Variants in SYNE1 observed in about 807,000 individuals in gnomAD.
SYNE1 encodes spectrin repeat containing nuclear envelope protein 1.
Under a neutral mutation model 1,111.0 loss-of-function variants are expected in SYNE1, and 616 were observed. The ratio of observed to expected loss-of-function variants is 0.55; its 90% CI spans 0.52 to 0.59. The LOEUF (loss-of-function observed/expected upper bound fraction) is 0.59. Ranked by LOEUF, SYNE1 falls within the 20% of genes least tolerant of loss-of-function variation. The pLI, the probability that SYNE1 is intolerant of heterozygous loss-of-function variation, is 0.00. For synonymous variants in SYNE1, 3,855 were observed against 3,825.8 expected (o/e 1.01, Z -0.28); for missense variants, 10,006 against 10,417.0 (o/e 0.96, Z 1.72).
intron 11 of SYNE1, 41 bp from the exon 12 acceptor site, chr6:152,488,544 C>A (rs1428942796): frequency 1.8e-6 from 2 of 1,091,148 alleles, no homozygotes; most frequent in South Asian, 2.5e-5. Context: ...AGTATCTGTG[C>A]ATTTATTTAA....
chr6:152,413,550 T>A lies in SYNE1; in HGVS notation c.6051-19A>T. ...TCTTAACCTGTGAATTAAAATGTTATTTTCCTATTAATTTACTAAAGGTAG... is the reference window on the plus strand; with the variant it reads ...TCTTAACCTGTGAATTAAAATGTTAATTTCCTATTAATTTACTAAAGGTAG... On this transcript the variant is annotated intron_variant, in intron 41 of 145. Coordinates refer to ENST00000367255, the MANE Select transcript of SYNE1 (RefSeq NM_182961.4). 6.2e-7 allele frequency: 1 copy of A among 1,612,320 alleles called. No homozygotes were observed. Among genetic ancestry groups the A allele is most frequent in the Non-Finnish European group, 8.5e-7 (1 of 1,178,408 alleles).
chr6:152,301,610 A>G (rs774118873), intron 92 of SYNE1, among the ~76,000 whole-genome samples: 17 of 152,250 alleles, frequency 1.1e-4, no homozygotes, highest in Non-Finnish European at 2.4e-4. Flanking sequence ...GAAATTATAA[A>G]CAAATACAGG....
rs2060438686 is a variant in SYNE1 at position 152,151,635 on chromosome 6, C to T, written c.24368G>A (p.Trp8123Ter). The change falls in exon 135 of 146, where the codon TGG becomes TAG. Residue 8123 changes from tryptophan to a stop codon, truncating the protein, a stop_gained. Transcript: ENST00000367255. LOFTEE classifies it high-confidence loss of function. ...GAGCTGCAGATCCATCTCTGTGAGC[C>T]AGACCAGAATGCTGTCCCGCGCAGT... ...FETARDSILV[W>*]LTEMDLQLTN... The T allele has an allele frequency of 6.2e-7, 1 of 1,613,998 alleles. No homozygotes were observed.
intron 45 of SYNE1, among the ~76,000 whole-genome samples, chr6:152,406,795 G>A (rs903639014): frequency 2.6e-5 from 4 of 152,040 alleles, no homozygotes; most frequent in African/African-American, 9.7e-5. Flanking sequence ...TTGAACCCAG[G>A]AGGTGGAGGT....
intron 3 of SYNE1, 59 bp downstream of exon 3, chr6:152,628,206 T>G: frequency 1.3e-6 from 2 of 1,567,228 alleles, no homozygotes; most frequent in Non-Finnish European, 1.8e-6. Context: ...CAAATTTAAC[T>G]GATTGTGGGT....
At chr6:152,157,358 T>C (rs1355762534) in intron 131 of SYNE1, among the ~76,000 whole-genome samples, 1 of 152,200 alleles carries the variant, frequency 6.6e-6, no homozygotes, top group African/African-American at 2.4e-5. Context: ...CTCACTTGTA[T>C]GTGGGAGCTA....
chr6:152,436,234 T>C (rs1464798510), intron 32 of SYNE1, 133 bp from the exon 33 acceptor site: 61 of 921,866 alleles, frequency 6.6e-5, no homozygotes, highest in Non-Finnish European at 9.2e-5. Context: ...GGATCTTACA[T>C]TGTTCTTAAC....
At chr6:152,146,443 T>G (rs1187012995) in intron 137 of SYNE1, 1 of 152,214 alleles carries the variant, frequency 6.6e-6, no homozygotes, top group Non-Finnish European at 1.5e-5. Context: ...GAAATTCATG[T>G]AAGCATGTTT....
intron 3 of SYNE1, among the ~76,000 whole-genome samples, chr6:152,592,702 C>G (rs1424480122): frequency 6.6e-6 from 1 of 152,162 alleles, no homozygotes; most frequent in Admixed American, 6.5e-5. Context: ...CCCTCTGTAT[C>G]TAAAATAAAA....
At chr6:152,569,301 C>T (rs900094557) in intron 3 of SYNE1, among the ~76,000 whole-genome samples, 4 of 152,148 alleles carry the variant, frequency 2.6e-5, no homozygotes, top group South Asian at 2.1e-4. Flanking sequence ...CATCCAATTT[C>T]CTGGGTTTAG....
intron 105 of SYNE1, among the ~76,000 whole-genome samples, chr6:152,244,975 A>T (rs376256660): frequency 6.6e-6 from 1 of 152,178 alleles, no homozygotes; most frequent in East Asian, 1.9e-4. Context: ...AAAAAAGAGC[A>T]TCATTTAGGA....
chr6:152,132,360 C>A, intron 143 of SYNE1, 146 bp from the exon 144 acceptor site: 1 of 753,230 alleles, frequency 1.3e-6, no homozygotes, highest in Non-Finnish European at 2.3e-6. Flanking sequence ...AAAATGGAAC[C>A]AGACAGGTAC....
At chr6:152,593,545 G>C (rs1314212122) in intron 3 of SYNE1, among the ~76,000 whole-genome samples, 1 of 151,948 alleles carries the variant, frequency 6.6e-6, no homozygotes, top group Admixed American at 6.6e-5. Context: ...TTGTGCCACT[G>C]CACTCCAGCC....
At position 152,302,025 on chromosome 6, in the gene SYNE1, G is replaced by A. The variant is rs1159333083; in HGVS notation, c.17385C>T (p.Ile5795=). Residue 5795 remains isoleucine, a synonymous_variant, in exon 92 of 146, where the codon ATC becomes ATT. Transcript: ENST00000367255. ...AQKIKGYQEQ[I]ASLNSKCKML... ...TCTTGCACTTGGAATTCAAAGAAGC[G>A]ATCTGCTCCTGGTAGCCCTTAATTT... is the stretch of plus-strand genomic sequence containing the variant. 1 of 1,614,254 alleles carries A rather than the reference G, an allele frequency of 6.2e-7. No individual in the cohort carries two copies. Among genetic ancestry groups the A allele is most frequent in the Non-Finnish European group, 8.5e-7 (1 of 1,180,044 alleles).
At chr6:152,246,084 T>C (rs536916160) in intron 105 of SYNE1, among the ~76,000 whole-genome samples, 11 of 152,216 alleles carry the variant, frequency 7.2e-5, no homozygotes, top group African/African-American at 1.4e-4. Flanking sequence ...AAGACAGGCC[T>C]GACAATTTGA....
Position 152,236,665 on chromosome 6 carries a change from C to T in SYNE1, c.20199+152G>A, listed in dbSNP as rs370084123. On this transcript the variant is annotated intron_variant, in intron 109 of 145. Coordinates refer to ENST00000367255, the MANE Select transcript of SYNE1 (RefSeq NM_182961.4). Reference sequence around the variant, plus strand: ...AAGAAAGACTTTTAATAATGTCCAACTATAAATAACAGAAACATTATCTCC... The same window carrying T: ...AAGAAAGACTTTTAATAATGTCCAATTATAAATAACAGAAACATTATCTCC... 204 of 1,067,166 alleles carry T rather than the reference C, an allele frequency of 1.9e-4. No individual in the cohort carries two copies. The African/African-American group carries it at 2.7e-3, about 14-fold the overall frequency. 66.1% of individuals were successfully genotyped at this position (1,067,166 alleles called of 1,614,324 possible).
intron 2 of SYNE1, among the ~76,000 whole-genome samples, chr6:152,630,482 C>T (rs1410096077): frequency 6.6e-6 from 1 of 152,176 alleles, no homozygotes; most frequent in Admixed American, 6.5e-5. Context: ...CCTGTATATC[C>T]TGGGGAAAAA....
chr6:152,484,022 T>C (rs928347479), intron 13 of SYNE1, among the ~76,000 whole-genome samples: 1 of 117,160 alleles, frequency 8.5e-6, no homozygotes, highest in Admixed American at 1.1e-4. Flanking sequence ...GGCAATATAG[T>C]GAGATCTCAT....
intron 42 of SYNE1, chr6:152,410,208 C>T (rs896496612): frequency 6.3e-6 from 1 of 157,522 alleles, no homozygotes; most frequent in Non-Finnish European, 1.4e-5. Context: ...AATAAATTCT[C>T]ATTGGATATG....
Sources: allele counts gnomAD v4.1 joint callset (sites outside exome capture counted in the v4.1 genomes callset), GRCh38; gene constraint gnomAD v4.1.1; transcripts MANE v1.5; gene names NCBI Gene and HGNC (gene_info 2026-07-23, HGNC 2026-07-21).